STK3: variants seen among roughly 807,000 people sequenced by gnomAD.
STK3 encodes the protein serine/threonine kinase 3, also known as serine/threonine-protein kinase 3.
STK3 carries 41 observed loss-of-function variants against 58.0 expected under a neutral mutation model. The ratio of observed to expected loss-of-function variants is 0.71; its 90% CI spans 0.55 to 0.92. STK3 has a LOEUF of 0.92. Among genes scored for constraint, STK3 ranks in the 40% least tolerant of loss-of-function variants. The pLI is 0.00. For synonymous variants in STK3, 170 were observed against 191.0 expected (o/e 0.89, Z 0.91); for missense variants, 479 against 602.7 (o/e 0.79, Z 2.15).
chr8:98,355,260 C>T, the STK3 span, among the ~76,000 whole-genome samples: 2 of 152,214 alleles, frequency 1.3e-5, no homozygotes, highest in Non-Finnish European at 2.9e-5. Context: ...GGAATTTTCT[C>T]TCTCTCCACA....
intron 1 of STK3, among the ~76,000 whole-genome samples, chr8:98,776,396 G>C (rs1214152143): frequency 6.6e-6 from 1 of 152,190 alleles, no homozygotes; most frequent in Non-Finnish European, 1.5e-5. Flanking sequence ...CTTGACAACT[G>C]TTCTGCTCAT....
At chr8:98,435,582 G>A (rs1047032443) in intron 2 of STK3, among the ~76,000 whole-genome samples, 1 of 152,072 alleles carries the variant, frequency 6.6e-6, no homozygotes, top group African/African-American at 2.4e-5. Context: ...GGGGAGGAGG[G>A]GCAGTGCAGG....
upstream of STK3, among the ~76,000 whole-genome samples, chr8:98,392,875 A>G (rs1817861018): frequency 6.6e-6 from 1 of 152,206 alleles, no homozygotes; most frequent in South Asian, 2.1e-4. Flanking sequence ...ACAGAAAAAC[A>G]TCACTATGAC....
chr8:98,667,352 C>G (rs923817386), intron 6 of STK3, among the ~76,000 whole-genome samples: 1 of 152,000 alleles, frequency 6.6e-6, no homozygotes, highest in Non-Finnish European at 1.5e-5. Flanking sequence ...AGCAGTGTTG[C>G]CGGGGGAACA....
chr8:98,440,505 C>A (rs1818650657), intron 1 of STK3, among the ~76,000 whole-genome samples: 1 of 152,114 alleles, frequency 6.6e-6, no homozygotes, highest in South Asian at 2.1e-4. Flanking sequence ...ACAATAGTTC[C>A]TCATTCCCCA....
chr8:98,820,030 A>G (rs527906289), intron 1 of STK3, among the ~76,000 whole-genome samples: 15 of 152,254 alleles, frequency 9.9e-5, no homozygotes, highest in African/African-American at 3.6e-4. Flanking sequence ...TGAAGAATTC[A>G]TGAGTACTTT....
intron 3 of STK3, among the ~76,000 whole-genome samples, chr8:98,418,769 T>C (rs1407799296): frequency 6.6e-6 from 1 of 152,104 alleles, no homozygotes; most frequent in Non-Finnish European, 1.5e-5. Context: ...GAGCTTCCAC[T>C]CCATATCTAG....
At chr8:98,923,030 G>T (rs1341192394) in intron 1 of STK3, among the ~76,000 whole-genome samples, 1 of 152,160 alleles carries the variant, frequency 6.6e-6, no homozygotes, top group Admixed American at 6.5e-5. Flanking sequence ...TTCATGTAGA[G>T]CACTAGGGTA....
intron 6 of STK3, among the ~76,000 whole-genome samples, chr8:98,602,794 A>C (rs1816461951): frequency 6.6e-6 from 1 of 152,168 alleles, no homozygotes. Context: ...AATTTTGGAA[A>C]TAGAAAGTAG....
chr8:98,798,469 G>C (rs1833319972), intron 1 of STK3, among the ~76,000 whole-genome samples: 2 of 152,188 alleles, frequency 1.3e-5, no homozygotes, highest in African/African-American at 4.8e-5. Context: ...CGTTATTCTT[G>C]ACTGAGTGGC....
intron 4 of STK3, among the ~76,000 whole-genome samples, chr8:98,740,333 G>A (rs1829082113): frequency 6.6e-6 from 1 of 152,126 alleles, no homozygotes; most frequent in Non-Finnish European, 1.5e-5. Context: ...AATGTTAAGG[G>A]CAGCCAGAGA....
At chr8:98,893,594 G>T (rs941769305) in intron 1 of STK3, among the ~76,000 whole-genome samples, 1 of 145,006 alleles carries the variant, frequency 6.9e-6, no homozygotes, top group African/African-American at 2.6e-5. Context: ...AAGAAAGAAG[G>T]AAAGGAAAGG....
chr8:98,693,048 G>T (rs1027799144), intron 6 of STK3, among the ~76,000 whole-genome samples: 4 of 152,074 alleles, frequency 2.6e-5, no homozygotes, highest in African/African-American at 9.7e-5. Flanking sequence ...TAAATCCAAT[G>T]ACAAGTGCCC....
At chr8:98,538,340 A>T (rs1447141593) in intron 9 of STK3, among the ~76,000 whole-genome samples, 1 of 152,234 alleles carries the variant, frequency 6.6e-6, no homozygotes, top group African/African-American at 2.4e-5. Flanking sequence ...ATTTTAAAAC[A>T]AAGAAGGATA....
chr8:98,400,340 G>A (rs974014780), downstream of STK3, among the ~76,000 whole-genome samples: 2 of 152,212 alleles, frequency 1.3e-5, no homozygotes, highest in African/African-American at 4.8e-5. Flanking sequence ...CAGGCCCCAA[G>A]GCTGTGCCCC....
chr8:98,538,555 A>C (rs1809975889), intron 9 of STK3, among the ~76,000 whole-genome samples: 4 of 152,202 alleles, frequency 2.6e-5, no homozygotes, highest in African/African-American at 9.6e-5. Context: ...CAATGAAGTC[A>C]GAATAGAAGG....
At chr8:98,601,518 T>A (rs1816344292) in intron 6 of STK3, 1 of 152,190 alleles carries the variant, frequency 6.6e-6, no homozygotes, top group African/African-American at 2.4e-5. Context: ...TGTAAGCACA[T>A]AAATGTATCC....
At chr8:98,713,378 C>T (rs1040938545) in intron 4 of STK3, among the ~76,000 whole-genome samples, 8 of 150,788 alleles carry the variant, frequency 5.3e-5, no homozygotes, top group South Asian at 2.1e-4. Flanking sequence ...CAAAATAGAC[C>T]GCTAGCAAGA....
intron 7 of STK3, among the ~76,000 whole-genome samples, chr8:98,592,591 G>C (rs1815410684): frequency 6.6e-6 from 1 of 151,742 alleles, no homozygotes. Flanking sequence ...GAGTAGGACA[G>C]GAGTCTTTTC....
Sources: allele counts gnomAD v4.1 joint callset (sites outside exome capture counted in the v4.1 genomes callset), GRCh38; gene constraint gnomAD v4.1.1; transcripts MANE v1.5; gene names NCBI Gene and HGNC (gene_info 2026-07-23, HGNC 2026-07-21).